The following PDE4B variants were observed in gnomAD, a reference collection of about 807,000 sequenced individuals.
The protein encoded by PDE4B is 3',5'-cyclic-AMP phosphodiesterase 4B.
Under a neutral mutation model 82.2 loss-of-function variants are expected in PDE4B, and 20 were observed. The observed-to-expected ratio is 0.24, with a 90% CI of 0.17 to 0.35. PDE4B has a LOEUF of 0.35. Among genes scored for constraint, PDE4B ranks in the 10% least tolerant of loss-of-function variants. The probability of loss-of-function intolerance (pLI) is 1.00; values close to 1 mark genes in which losing one functional copy is unlikely to be tolerated. For missense variants in PDE4B, 655 were observed against 907.2 expected (o/e 0.72, Z 3.57); for synonymous variants, 320 against 318.9 (o/e 1.00, Z -0.04).
At chr1:66,098,088 A>C (rs187438030) in intron 3 of PDE4B, among the ~76,000 whole-genome samples, 22 of 151,438 alleles carry the variant, frequency 1.5e-4, no homozygotes, top group Admixed American at 6.6e-4. Flanking sequence ...ATTAAGACTA[A>C]CTCTATGTAA....
intron 1 of PDE4B, among the ~76,000 whole-genome samples, chr1:65,909,918 GA>G (rs1469327707): frequency 6.6e-6 from 1 of 151,636 alleles, no homozygotes; most frequent in African/African-American, 2.4e-5. Flanking sequence ...ACCAATATCA[GA>G]AAAAAAAGAT....
chr1:66,052,373 G>A (rs1282218918), intron 3 of PDE4B, among the ~76,000 whole-genome samples: 1 of 151,988 alleles, frequency 6.6e-6, no homozygotes, highest in East Asian at 1.9e-4. Context: ...AGTGACTAAG[G>A]AATTTTAAGA....
intron 1 of PDE4B, among the ~76,000 whole-genome samples, chr1:65,912,894 C>G (rs1362089754): frequency 6.6e-6 from 1 of 152,082 alleles, no homozygotes; most frequent in Non-Finnish European, 1.5e-5. Flanking sequence ...CAAACTGTTG[C>G]AAGCATCAAA....
At chr1:66,156,904 T>C (rs2101229131) in intron 3 of PDE4B, among the ~76,000 whole-genome samples, 1 of 152,314 alleles carries the variant, frequency 6.6e-6, no homozygotes, top group Admixed American at 6.5e-5. Flanking sequence ...TCCTCAGTTA[T>C]TGTCTCTCTT....
chr1:65,797,414 T>A (rs1645644047), intron 1 of PDE4B, among the ~76,000 whole-genome samples: 1 of 152,196 alleles, frequency 6.6e-6, no homozygotes. Flanking sequence ...TCTATTTAAA[T>A]CTTGTATTTT....
chr1:66,304,117 G>T (rs980014210), intron 7 of PDE4B, among the ~76,000 whole-genome samples: 2 of 152,070 alleles, frequency 1.3e-5, no homozygotes, highest in Non-Finnish European at 2.9e-5. Context: ...CAGGTATTTA[G>T]GAGTTAATAA....
At chr1:65,857,696 CT>C (rs1366651915) in intron 1 of PDE4B, among the ~76,000 whole-genome samples, 1 of 152,068 alleles carries the variant, frequency 6.6e-6, no homozygotes, top group African/African-American at 2.4e-5. Context: ...ATTTTTTTTC[CT>C]GTTTTAATCA....
chr1:66,185,865 T>C (rs933056529), intron 3 of PDE4B, among the ~76,000 whole-genome samples: 12 of 152,270 alleles, frequency 7.9e-5, no homozygotes, highest in African/African-American at 2.9e-4. Flanking sequence ...CAATTTTGGC[T>C]TTTGTTGCCA....
chr1:65,899,013 G>A (rs1646941932), intron 1 of PDE4B, among the ~76,000 whole-genome samples: 2 of 152,010 alleles, frequency 1.3e-5, no homozygotes, highest in African/African-American at 4.8e-5. Flanking sequence ...GGAACAGTCA[G>A]CAGAGTAAAC....
intron 1 of PDE4B, among the ~76,000 whole-genome samples, chr1:65,893,152 G>A (rs1421190257): frequency 6.6e-6 from 1 of 151,720 alleles, no homozygotes; most frequent in African/African-American, 2.4e-5. Flanking sequence ...GACATTTTAG[G>A]GACTCATGGT....
intron 3 of PDE4B, among the ~76,000 whole-genome samples, chr1:65,994,080 T>C (rs1248393311): frequency 6.6e-6 from 1 of 152,116 alleles, no homozygotes; most frequent in African/African-American, 2.4e-5. Flanking sequence ...CATAGCAATA[T>C]AGGGAGCATG....
At chr1:66,009,869 A>G (rs1652372390) in intron 3 of PDE4B, among the ~76,000 whole-genome samples, 1 of 151,984 alleles carries the variant, frequency 6.6e-6, no homozygotes, top group Admixed American at 6.6e-5. Flanking sequence ...ATTTTTCTAT[A>G]TCTACATCTA....
intron 3 of PDE4B, among the ~76,000 whole-genome samples, chr1:66,032,606 A>G (rs1415094945): frequency 6.6e-6 from 1 of 151,644 alleles, no homozygotes; most frequent in Non-Finnish European, 1.5e-5. Flanking sequence ...CATTGAGGGT[A>G]GAGTCTCTAC....
intron 3 of PDE4B, among the ~76,000 whole-genome samples, chr1:66,172,635 T>C (rs1359139816): frequency 6.6e-6 from 1 of 152,354 alleles, no homozygotes; most frequent in South Asian, 2.1e-4. Flanking sequence ...GTGTTGATGA[T>C]AGTAATTCTG....
chr1:66,158,171 A>G (rs1646537947), intron 3 of PDE4B, among the ~76,000 whole-genome samples: 1 of 152,200 alleles, frequency 6.6e-6, no homozygotes, highest in African/African-American at 2.4e-5. Flanking sequence ...TAAACTTTTG[A>G]CCCAGTGAAA....
rs187265053 is a variant in PDE4B at position 66,139,445 on chromosome 1, C to T, written c.282-108015C>T. 2.0e-5 allele frequency among the ~76,000 whole-genome samples: 3 copies of T among 152,148 alleles called. No homozygotes were observed. The East Asian group carries it at 6.0e-4, about 30-fold the overall frequency. On this transcript the variant is annotated intron_variant, in intron 3 of 16. Coordinates refer to ENST00000341517, the MANE Select transcript of PDE4B (RefSeq NM_002600.4). ...ACGCCCTTCTAATGCTTCAAATCTCCTGGGCTTTCCACATCGCTCTCCCTC... is the reference window on the plus strand; with the variant it reads ...ACGCCCTTCTAATGCTTCAAATCTCTTGGGCTTTCCACATCGCTCTCCCTC...
At chr1:65,850,110 CTTT>C (rs57662381) in intron 1 of PDE4B, among the ~76,000 whole-genome samples, 1 of 97,490 alleles carries the variant, frequency 1.0e-5, no homozygotes, top group Admixed American at 1.3e-4. Context: ...TTGCCCTGCA[CTTT>C]TTTTTTTTTT....
intron 3 of PDE4B, among the ~76,000 whole-genome samples, chr1:65,942,906 A>T (rs1648520580): frequency 6.6e-6 from 1 of 151,986 alleles, no homozygotes; most frequent in Admixed American, 6.6e-5. Flanking sequence ...TATTTTGGCT[A>T]TTAATCCCTT....
intron 3 of PDE4B, among the ~76,000 whole-genome samples, chr1:66,033,788 C>CTTTCT (rs5774788): frequency 6.8e-6 from 1 of 146,232 alleles, no homozygotes; most frequent in Non-Finnish European, 1.5e-5. Context: ...TTCTTTCTTT[C>CTTTCT]TTTTTTGTAA....
Sources: gnomAD v4.1 joint callset for allele counts (sites outside exome capture counted in the v4.1 genomes callset) on GRCh38, gnomAD v4.1.1 for gene constraint, MANE v1.5 for transcripts, NCBI Gene and HGNC (gene_info 2026-07-23, HGNC 2026-07-21) for gene names.